Variants in PAPPA2 observed in about 807,000 individuals in gnomAD.
PAPPA2 encodes the protein pappalysin 2.
Under a neutral mutation model 176.4 loss-of-function variants are expected in PAPPA2, and 86 were observed. The observed-to-expected ratio is 0.49, with a 90% confidence interval of 0.41 to 0.58. PAPPA2 has a LOEUF of 0.58. Among genes scored for constraint, PAPPA2 ranks in the 20% least tolerant of loss-of-function variants. PAPPA2 has a pLI of 0.00. For synonymous variants in PAPPA2, 809 were observed against 852.2 expected, an observed-to-expected ratio of 0.95 and a Z score of 0.88; for missense variants, 2,073 against 2,256.9, an observed-to-expected ratio of 0.92 and a Z score of 1.65.
At chr1:176,664,282 A>G (rs371073030) in intron 3 of PAPPA2, among the ~76,000 whole-genome samples, 1 of 152,190 alleles carries the variant, frequency 6.6e-6, no homozygotes, top group Non-Finnish European at 1.5e-5. Flanking sequence ...ACAAGGCTGC[A>G]TGCCTTTGTG....
Position 176,524,455 on chromosome 1 carries a change from T to A in PAPPA2, c.-916-30952T>A, listed in dbSNP as rs562833616. Among the ~76,000 whole-genome samples, 4 of 152,214 alleles carry A rather than the reference T, an allele frequency of 2.6e-5. No individual in the cohort carries two copies. The South Asian group carries it at 8.3e-4, about 32-fold the overall frequency. The stretch of plus-strand genomic sequence containing the variant: ...TCAAAGAAAACAGCATTATAACAAC[T>A]CAACACTACAAGGAAGATGATGTTA... On this transcript the variant is annotated intron_variant, in intron 1 of 22. Coordinates refer to ENST00000367662, the MANE Select transcript of PAPPA2 (RefSeq NM_020318.3).
intron 6 of PAPPA2, 91 bp from the exon 7 acceptor site, chr1:176,695,647 C>T (rs914129070): frequency 2.1e-6 from 3 of 1,436,822 alleles, no homozygotes; most frequent in Non-Finnish European, 2.9e-6. Context: ...CAACCCCTGC[C>T]CTCCCCACAC....
At chr1:176,498,202 C>T (rs985594396) in intron 1 of PAPPA2, among the ~76,000 whole-genome samples, 3 of 151,472 alleles carry the variant, frequency 2.0e-5, no homozygotes, top group Non-Finnish European at 4.4e-5. Flanking sequence ...TTGAGTAGAT[C>T]GGGTGGATAT....
At chr1:176,662,770 G>T (rs926065526) in intron 3 of PAPPA2, among the ~76,000 whole-genome samples, 1 of 151,986 alleles carries the variant, frequency 6.6e-6, no homozygotes, top group Middle Eastern at 3.4e-3. Flanking sequence ...CCTCCAAAAG[G>T]CCATTTTCCT....
chr1:176,619,594 G>A (rs191668866), intron 3 of PAPPA2, among the ~76,000 whole-genome samples: 6 of 152,220 alleles, frequency 3.9e-5, no homozygotes, highest in African/African-American at 1.4e-4. Context: ...GGTAATTTTT[G>A]AAAATAAGTA....
At chr1:176,748,560 A>T (rs1663023642) in intron 14 of PAPPA2, among the ~76,000 whole-genome samples, 1 of 152,214 alleles carries the variant, frequency 6.6e-6, no homozygotes, top group African/African-American at 2.4e-5. Context: ...TTTTTATAAT[A>T]TCATCAAAAT....
chr1:176,731,795 T>C (rs1176004262), intron 12 of PAPPA2, among the ~76,000 whole-genome samples: 1 of 151,824 alleles, frequency 6.6e-6, no homozygotes, highest in Non-Finnish European at 1.5e-5. Context: ...ATCAAGTTTA[T>C]TGTACATTCT....
chr1:176,685,356 C>T (rs1659787880), intron 4 of PAPPA2, among the ~76,000 whole-genome samples: 1 of 152,076 alleles, frequency 6.6e-6, no homozygotes, highest in South Asian at 2.1e-4. Context: ...AGTGTTTCCC[C>T]ATATCAGGAT....
At chr1:176,518,472 A>G (rs1002433087) in intron 1 of PAPPA2, among the ~76,000 whole-genome samples, 1 of 151,738 alleles carries the variant, frequency 6.6e-6, no homozygotes, top group Non-Finnish European at 1.5e-5. Flanking sequence ...AAAAAAAACA[A>G]ACAAACTTAC....
intron 1 of PAPPA2, among the ~76,000 whole-genome samples, chr1:176,481,904 G>T (rs1221905717): frequency 6.6e-6 from 1 of 151,614 alleles, no homozygotes; most frequent in Non-Finnish European, 1.5e-5. Context: ...TAGAGATCTG[G>T]TTTCACCATG....
rs748990451 is a variant in PAPPA2 at position 176,489,325 on chromosome 1, C to T, written c.-917+25907C>T. On this transcript the variant is annotated intron_variant, in intron 1 of 22. Transcript: ENST00000367662. ...CAAACAACTGGTCTTAGCACCTCCC[C>T]ACTCTAATGTATGGGATTTTAATGC... Among the ~76,000 whole-genome samples the T allele has an allele frequency of 7.0e-4, 106 of 152,300 alleles. 1 individual carries two copies. The highest frequency in any genetic ancestry group is 9.8e-4 in the Non-Finnish European group (67 of 68,022).
At chr1:176,820,445 G>C (rs1305680205) in intron 21 of PAPPA2, among the ~76,000 whole-genome samples, 1 of 152,168 alleles carries the variant, frequency 6.6e-6, no homozygotes, top group Non-Finnish European at 1.5e-5. Context: ...GGCCGCCACT[G>C]AGGCAGCATT....
rs199723174 is a variant in PAPPA2, at chr1:176,557,172, C to T, written c.850C>T (p.Arg284Trp). 42 of 1,613,370 alleles carry T rather than the reference C, an allele frequency of 2.6e-5. No homozygotes were observed. The highest frequency in any genetic ancestry group is 1.3e-4 in the Admixed American group (8 of 59,940). The change falls in exon 2 of 23, where the codon CGG becomes TGG. Residue 284 changes from arginine (R) to tryptophan (W), a missense_variant. Coordinates refer to ENST00000367662, the MANE Select transcript of PAPPA2 (RefSeq NM_020318.3). ...LRPEVLAEIP[R>W]EAFTVEAWVK... is the part of the protein sequence containing the mutation. ...TCCAGAAGTGCTGGCTGAGATTCCC[C>T]GGGAGGCGTTCACAGTGGAAGCCTG...
At position 176,612,469 on chromosome 1, in the gene PAPPA2, A is replaced by G. The variant is rs138225750; in HGVS notation, c.1991+16874A>G. On this transcript the variant is annotated intron_variant, in intron 3 of 22. Coordinates refer to ENST00000367662, the MANE Select transcript of PAPPA2 (RefSeq NM_020318.3). ...AGGTAGTGGCAAATTCAGTATACAAAGTGATTGCCCATGTATTAGAGTTAG... is the reference window on the plus strand; with the variant it reads ...AGGTAGTGGCAAATTCAGTATACAAGGTGATTGCCCATGTATTAGAGTTAG... Among the ~76,000 whole-genome samples the G allele has an allele frequency of 8.5e-5, 13 of 152,292 alleles. No homozygotes were observed. The East Asian group carries it at 2.5e-3, about 29-fold the overall frequency.
chr1:176,537,719 A>AGAGT (rs138829809), intron 1 of PAPPA2, among the ~76,000 whole-genome samples: 2 of 143,826 alleles, frequency 1.4e-5, no homozygotes, highest in African/African-American at 5.2e-5. Context: ...GTAGGTATGG[A>AGAGT]GTGTGTGTGT....
At chr1:176,490,408 C>G (rs1652839722) in intron 1 of PAPPA2, among the ~76,000 whole-genome samples, 3 of 152,092 alleles carry the variant, frequency 2.0e-5, no homozygotes, top group Admixed American at 6.6e-5. Flanking sequence ...GCTGGGAGAA[C>G]AGGAAAGGTA....
intron 3 of PAPPA2, among the ~76,000 whole-genome samples, chr1:176,649,746 A>G (rs1402134009): frequency 2.0e-5 from 3 of 151,408 alleles, no homozygotes; most frequent in African/African-American, 4.8e-5. Flanking sequence ...GTTTTATTCC[A>G]TTATAATCAT....
chr1:176,538,048 C>G (rs180964294), intron 1 of PAPPA2, among the ~76,000 whole-genome samples: 1 of 152,118 alleles, frequency 6.6e-6, no homozygotes, highest in African/African-American at 2.4e-5. Context: ...AAGGAAGACT[C>G]TCGCCTCAAC....
chr1:176,672,641 G>A (rs1659077251), intron 4 of PAPPA2, among the ~76,000 whole-genome samples: 1 of 151,808 alleles, frequency 6.6e-6, no homozygotes, highest in Non-Finnish European at 1.5e-5. Context: ...AAAATCCACA[G>A]AGTGAATCAG....
Sources: gnomAD v4.1 joint callset for allele counts (sites outside exome capture counted in the v4.1 genomes callset) on GRCh38, gnomAD v4.1.1 for gene constraint, MANE v1.5 for transcripts, NCBI Gene and HGNC (gene_info 2026-07-23, HGNC 2026-07-21) for gene names.